Variants in ANKS1B observed in about 807,000 individuals in gnomAD.
ANKS1B encodes the protein ankyrin repeat and sterile alpha motif domain containing 1B, also known as ankyrin repeat and sterile alpha motif domain-containing protein 1B.
A neutral mutation model predicts 148.3 loss-of-function variants in ANKS1B; 36 were observed. That is an observed-to-expected ratio of 0.24 (90% CI 0.19 to 0.32). The LOEUF (loss-of-function observed/expected upper bound fraction) is 0.32. ANKS1B is among the 10% of genes least tolerant of loss of function. The pLI is 1.00. For synonymous variants in ANKS1B, 542 were observed against 560.8 expected (o/e 0.97, Z 0.47); for missense variants, 1,157 against 1,542.6 (o/e 0.75, Z 4.19).
At chr12:99,635,243 C>A (rs2098221353) in intron 9 of ANKS1B, among the ~76,000 whole-genome samples, 1 of 152,120 alleles carries the variant, frequency 6.6e-6, no homozygotes, top group Admixed American at 6.6e-5. Context: ...GATCCAGCAA[C>A]TTTACTGCTT....
At chr12:99,531,364 C>T (rs561785350) in intron 9 of ANKS1B, among the ~76,000 whole-genome samples, 35 of 152,202 alleles carry the variant, frequency 2.3e-4, no homozygotes, top group African/African-American at 7.2e-4. Flanking sequence ...AACCTCCCAA[C>T]TCTCCCCCCT....
intron 1 of ANKS1B, among the ~76,000 whole-genome samples, chr12:99,841,432 G>A (rs2085728714): frequency 6.6e-6 from 1 of 151,776 alleles, no homozygotes; most frequent in African/African-American, 2.4e-5. Flanking sequence ...TTTGTAACAG[G>A]ATTTTGCATT....
In ANKS1B at chr12:98,832,088, G is replaced by A. The variant is rs775047121; in HGVS notation, c.2827C>T (p.Leu943=). 1 of 1,597,590 alleles carries A rather than the reference G, an allele frequency of 6.3e-7. No homozygotes were observed. Among genetic ancestry groups the A allele is most frequent in the Admixed American group, 1.7e-5 (1 of 57,938 alleles). The change falls in exon 18 of 27, where the codon CTG becomes TTG. Residue 943 remains leucine (L), a synonymous_variant. Transcript: ENST00000683438. ...GGATCGTCGTGCAGCCTGTCTCCCAGAGATGCCAAAATACGTTTCCTGTGG... is the reference window on the plus strand; with the variant it reads ...GGATCGTCGTGCAGCCTGTCTCCCAAAGATGCCAAAATACGTTTCCTGTGG... ...IGHRKRILAS[L]GDRLHDDPPQ... is the part of the protein sequence containing the mutation.
intron 11 of ANKS1B, among the ~76,000 whole-genome samples, chr12:99,407,326 C>T (rs970785475): frequency 6.9e-6 from 1 of 145,792 alleles, no homozygotes; most frequent in African/African-American, 2.6e-5. Flanking sequence ...TAAAATTCAA[C>T]ATCCCTTCAT....
intron 15 of ANKS1B, among the ~76,000 whole-genome samples, chr12:99,128,005 C>T (rs1295922561): frequency 6.6e-6 from 1 of 152,184 alleles, no homozygotes; most frequent in African/African-American, 2.4e-5. Flanking sequence ...ATTCTAAGTT[C>T]TTAAACCAGT....
chr12:99,053,446 C>CATCAGAAAGTGT, intron 16 of ANKS1B, 137 bp from the exon 17 acceptor site: 2 of 634,476 alleles, frequency 3.2e-6, no homozygotes, highest in Non-Finnish European at 4.8e-6. Context: ...AAAGAAAACA[C>CATCAGAAAGTGT]TTTCTGATGT....
intron 1 of ANKS1B, among the ~76,000 whole-genome samples, chr12:99,862,612 C>T (rs913997836): frequency 2.6e-5 from 4 of 152,190 alleles, no homozygotes; most frequent in East Asian, 3.8e-4. Flanking sequence ...CTAAATACTA[C>T]GAATGCTATT....
rs140188026 is a variant in ANKS1B, at chr12:99,563,636, G to C, written c.1273-58995C>G. Among the ~76,000 whole-genome samples, 738 of 152,180 alleles carry C rather than the reference G, an allele frequency of 4.8e-3. 2 individuals carry two copies. The highest frequency in any genetic ancestry group is 0.017 in the African/African-American group (713 of 41,524). ...ATAACAGATATAATAAAATGAAAAA[G>C]TTTGAAATAGGATGAAAATTAACAA... On this transcript the variant is annotated intron_variant, in intron 9 of 26. Coordinates refer to ENST00000683438, the MANE Select transcript of ANKS1B (RefSeq NM_001352186.2).
intron 4 of ANKS1B, among the ~76,000 whole-genome samples, chr12:99,796,763 A>G (rs1318649595): frequency 6.6e-6 from 1 of 151,976 alleles, no homozygotes; most frequent in African/African-American, 2.4e-5. Flanking sequence ...AAAAGCAATT[A>G]GAAAACCTAT....
At chr12:99,761,882 T>C (rs2062157090) in intron 8 of ANKS1B, among the ~76,000 whole-genome samples, 1 of 151,984 alleles carries the variant, frequency 6.6e-6, no homozygotes, top group Non-Finnish European at 1.5e-5. Flanking sequence ...AAGATCATTA[T>C]AATTTCTATA....
At chr12:99,645,265 G>T (rs188596877) in intron 9 of ANKS1B, among the ~76,000 whole-genome samples, 313 of 152,208 alleles carry the variant, frequency 2.1e-3, no homozygotes, top group African/African-American at 7.2e-3. Context: ...CATTTCAAAC[G>T]TTGGTTCTTT....
intron 14 of ANKS1B, among the ~76,000 whole-genome samples, chr12:99,192,496 TA>T (rs1342298291): frequency 2.0e-5 from 3 of 152,176 alleles, no homozygotes; most frequent in Non-Finnish European, 4.4e-5. Flanking sequence ...AATACTTTAT[TA>T]AAAGTTATAT....
intron 16 of ANKS1B, among the ~76,000 whole-genome samples, chr12:99,060,032 T>C (rs1012922859): frequency 3.9e-5 from 6 of 151,942 alleles, no homozygotes; most frequent in Non-Finnish European, 7.4e-5. Context: ...CTCTATAATC[T>C]GAGAGGCAGA....
chr12:99,480,214 C>T (rs1023164801), intron 10 of ANKS1B, among the ~76,000 whole-genome samples: 1 of 151,752 alleles, frequency 6.6e-6, no homozygotes, highest in African/African-American at 2.4e-5. Flanking sequence ...AGCTCTGTTT[C>T]AACACAACTC....
intron 12 of ANKS1B, among the ~76,000 whole-genome samples, chr12:99,379,437 G>T (rs2093545220): frequency 6.6e-6 from 1 of 152,116 alleles, no homozygotes; most frequent in Non-Finnish European, 1.5e-5. Context: ...CTTACCTAGG[G>T]TTGTTGTGAG....
chr12:99,018,653 G>C (rs73386505), intron 17 of ANKS1B, among the ~76,000 whole-genome samples: 2,184 of 152,234 alleles, frequency 0.014, 49 homozygotes, highest in African/African-American at 0.05. Flanking sequence ...TAATCTAAGA[G>C]TATCTTTAGG....
intron 9 of ANKS1B, 125 bp downstream of exon 9, chr12:99,654,942 A>C: frequency 8.8e-7 from 1 of 1,130,604 alleles, no homozygotes; most frequent in Non-Finnish European, 1.2e-6. Flanking sequence ...GAGAAAAACC[A>C]CAAGATCCAA....
In ANKS1B at chr12:99,157,163, A is replaced by G. The variant is rs139999567; in HGVS notation, c.2420-2768T>C. Among the ~76,000 whole-genome samples, 46 of 152,330 alleles carry G rather than the reference A, an allele frequency of 3.0e-4. No individual in the cohort carries two copies. The East Asian group carries it at 7.7e-3, about 26-fold the overall frequency. On this transcript the variant is annotated intron_variant, in intron 14 of 26. Transcript: ENST00000683438. ...TTATGAATCAATTTTAATAGATTCT[A>G]GTTGCTCAACATTACCTATAGGAGA...
At chr12:99,904,851 C>A (rs1057380036) in intron 1 of ANKS1B, among the ~76,000 whole-genome samples, 1 of 152,162 alleles carries the variant, frequency 6.6e-6, no homozygotes, top group African/African-American at 2.4e-5. Context: ...GCAACTTCTG[C>A]CCCTTATTTA....
Sources: gnomAD v4.1 joint callset for allele counts (sites outside exome capture counted in the v4.1 genomes callset) on GRCh38, gnomAD v4.1.1 for gene constraint, MANE v1.5 for transcripts, NCBI Gene and HGNC (gene_info 2026-07-23, HGNC 2026-07-21) for gene names.